DHX32: variants seen among roughly 807,000 people sequenced by gnomAD.
DHX32 encodes the protein DEAH-box helicase 32 (putative), also known as putative pre-mRNA-splicing factor ATP-dependent RNA helicase DHX32.
In DHX32, 51 loss-of-function variants were observed where a neutral mutation model predicts 70.0. The ratio of observed to expected loss-of-function variants is 0.73; its 90% confidence interval spans 0.58 to 0.92. DHX32 has a LOEUF of 0.92. Among genes scored for constraint, DHX32 ranks in the 40% least tolerant of loss-of-function variants. The pLI, the probability that DHX32 is intolerant of heterozygous loss-of-function variation, is 0.00. For synonymous variants in DHX32, 310 were observed against 315.3 expected, an observed-to-expected ratio of 0.98 and a Z score of 0.18; for missense variants, 762 against 891.8, an observed-to-expected ratio of 0.85 and a Z score of 1.85.
rs1353105859 is a variant in DHX32, at chr10:125,853,949, A to C, written c.1092+12T>G. The C allele has an allele frequency of 2.5e-6, 4 of 1,612,454 alleles. No individual in the cohort carries two copies. In the South Asian group the frequency reaches 3.3e-5, roughly 13 times the overall value. On this transcript the variant is annotated intron_variant, in intron 4 of 10. Coordinates refer to ENST00000284690, the MANE Select transcript of DHX32 (RefSeq NM_018180.3). ...GATCAGCAGTCTGTTTAGCCTACTC[A>C]ATAATAATTACCTTTCTTCTTTCCA...
chr10:125,887,909 A>G (rs1486859977), intron 1 of DHX32, among the ~76,000 whole-genome samples: 19 of 152,250 alleles, frequency 1.2e-4, no homozygotes, highest in Admixed American at 9.8e-4. Flanking sequence ...AAGCATGGCA[A>G]TAAGAGAAAC....
chr10:125,866,973 G>A lies in DHX32; in HGVS notation c.476+17C>T. On this transcript the variant is annotated intron_variant, in intron 2 of 10. Transcript: ENST00000284690. The surrounding 1 kb of genome is among the most constrained non-coding windows in gnomAD (Gnocchi z 4.8). ...AAGAATCATCAGCAGGGAGCGGACTGAACCCCACAAACCAACCTCAGGATT... is the reference window on the plus strand; with the variant it reads ...AAGAATCATCAGCAGGGAGCGGACTAAACCCCACAAACCAACCTCAGGATT... 6.2e-7 allele frequency: 1 copy of A among 1,608,114 alleles called. No individual in the cohort carries two copies. The highest frequency in any genetic ancestry group is 8.5e-7 in the Non-Finnish European group (1 of 1,176,478).
chr10:125,855,095 G>T (rs112166585), intron 3 of DHX32, among the ~76,000 whole-genome samples: 2 of 151,720 alleles, frequency 1.3e-5, no homozygotes, highest in African/African-American at 4.8e-5. Flanking sequence ...GATGGCATGC[G>T]TCTGTAGTCC....
chr10:125,892,388 T>G (rs1248708031), intron 1 of DHX32, among the ~76,000 whole-genome samples: 1 of 152,428 alleles, frequency 6.6e-6, no homozygotes, highest in East Asian at 1.9e-4. Flanking sequence ...AATGCAAAAC[T>G]GATCCAGTCA....
intron 1 of DHX32, among the ~76,000 whole-genome samples, chr10:125,873,078 G>A (rs532185306): frequency 6.6e-6 from 1 of 152,258 alleles, no homozygotes; most frequent in African/African-American, 2.4e-5. Context: ...GGGCTGCAGG[G>A]AGATCTCCTA....
At chr10:125,849,271 A>C (rs913387180) in intron 6 of DHX32, among the ~76,000 whole-genome samples, 6 of 152,244 alleles carry the variant, frequency 3.9e-5, no homozygotes, top group Admixed American at 6.5e-5. Flanking sequence ...ACGCAAAAAC[A>C]TATCAACTTA....
Position 125,839,032 on chromosome 10 carries a change from T to A in DHX32, c.1850A>T (p.Lys617Met), listed in dbSNP as rs561536636. ...FGSKENTLNI[K>M]KALLSGYFMQ... ...AAAGTAACCGGACAGAAGAGCTTTC[T>A]TTATGTTTAGAGTGTTTTCCTTGGA... Residue 617 changes from lysine (K) to methionine (M), a missense_variant, in exon 9 of 11, where the codon AAG (lysine) becomes ATG (methionine). By Grantham distance (95) the Lys-to-Met change is moderately conservative. Transcript: ENST00000284690. The A allele has an allele frequency of 3.1e-6, 5 of 1,614,118 alleles. No homozygotes were observed. In the South Asian group the frequency reaches 4.4e-5, roughly 14 times the overall value.
At position 125,859,043 on chromosome 10, in the gene DHX32, TTG is replaced by T. The variant is rs1471772161; in HGVS notation, c.849+558_849+559del. On this transcript the variant is annotated intron_variant, in intron 3 of 10. Coordinates refer to ENST00000284690, the MANE Select transcript of DHX32 (RefSeq NM_018180.3). ...AAGGTTTTTTTTTTTGTTTGTTTGT[TTG>T]TTTTTTTTTTTTTTTTTTAATCTTT... Among the ~76,000 whole-genome samples, 51 of 138,702 alleles carry T rather than the reference TTG, an allele frequency of 3.7e-4. No individual in the cohort carries two copies. In the South Asian group the frequency reaches 7.5e-3, roughly 20 times the overall value. The allele number at this position is 138,702 out of a possible 152,430, so 91.0% of individuals were successfully genotyped here.
intron 1 of DHX32, among the ~76,000 whole-genome samples, chr10:125,888,105 C>T (rs79523534): frequency 2.6e-3 from 341 of 129,844 alleles, no homozygotes; most frequent in African/African-American, 7.7e-3. Context: ...ATATAATATA[C>T]ATATTTATAT....
chr10:125,860,911 C>G (rs1291148163), intron 2 of DHX32, among the ~76,000 whole-genome samples: 4 of 151,740 alleles, frequency 2.6e-5, no homozygotes, highest in Admixed American at 1.3e-4. Context: ...CGCCACCACG[C>G]CTGGCTAATT....
chr10:125,836,928 G>T, intron 10 of DHX32, 73 bp from the exon 11 acceptor site: 2 of 1,348,132 alleles, frequency 1.5e-6, no homozygotes, highest in Non-Finnish European at 2.1e-6. Flanking sequence ...TTATGTCTGG[G>T]CACTTCCCAT....
Position 125,840,977 on chromosome 10 carries a change from A to C in DHX32, c.1563T>G (p.His521Gln). The change falls in exon 8 of 11, where the codon CAT becomes CAG. Residue 521 changes from histidine (H) to glutamine (Q), a missense_variant. By Grantham distance (24) the His-to-Gln change is conservative. Transcript: ENST00000284690. ...AMVTAPNCFS[H>Q]VPHGAEEAAL... ...CAGCCTCTTCAGCTCCATGTGGCACATGTGAAAAGCAATTTGGAGCTTCAA... is the reference window on the plus strand; with the variant it reads ...CAGCCTCTTCAGCTCCATGTGGCACCTGTGAAAAGCAATTTGGAGCTTCAA... 1 of 1,604,262 alleles carries C rather than the reference A, an allele frequency of 6.2e-7. No homozygotes were observed. Among genetic ancestry groups the C allele is most frequent in the Non-Finnish European group, 8.5e-7 (1 of 1,173,392 alleles).
chr10:125,879,020 T>G (rs1408574488), intron 1 of DHX32, among the ~76,000 whole-genome samples: 9 of 129,226 alleles, frequency 7.0e-5, no homozygotes, highest in African/African-American at 2.0e-4. Context: ...TTCTTGTTTT[T>G]TTTTTTTTTT....
intron 4 of DHX32, 29 bp from the exon 5 acceptor site, chr10:125,852,671 G>T (rs374705004): frequency 6.4e-7 from 1 of 1,568,652 alleles, no homozygotes. Flanking sequence ...CATCATTAGC[G>T]TCAGATAAGT....
At chr10:125,844,602 AATATT>A (rs1268991684) in intron 6 of DHX32, among the ~76,000 whole-genome samples, 3 of 152,250 alleles carry the variant, frequency 2.0e-5, no homozygotes, top group African/African-American at 4.8e-5. Flanking sequence ...AGGATTTGCT[AATATT>A]ATATTCTGCA....
At chr10:125,844,471 G>A (rs1050806918) in intron 6 of DHX32, among the ~76,000 whole-genome samples, 3 of 152,188 alleles carry the variant, frequency 2.0e-5, no homozygotes, top group African/African-American at 2.4e-5. Context: ...ATGACTTCAT[G>A]ATTCTGCTCC....
At chr10:125,868,474 T>C (rs1210072774) in intron 1 of DHX32, among the ~76,000 whole-genome samples, 3 of 152,198 alleles carry the variant, frequency 2.0e-5, no homozygotes, top group Non-Finnish European at 1.5e-5. Flanking sequence ...TCACCAGAAA[T>C]ACAAGTAACT....
At chr10:125,887,373 A>T (rs1944346056) in intron 1 of DHX32, among the ~76,000 whole-genome samples, 1 of 152,206 alleles carries the variant, frequency 6.6e-6, no homozygotes, top group Non-Finnish European at 1.5e-5. Context: ...ACAGACAATT[A>T]CTTAAAAGAA....
At chr10:125,864,929 C>CAAAAAAAAAAAAAAAAAA (rs61570718) in intron 2 of DHX32, among the ~76,000 whole-genome samples, 5 of 54,222 alleles carry the variant, frequency 9.2e-5, no homozygotes, top group Admixed American at 3.8e-4. Flanking sequence ...GACTCTGTCT[C>CAAAAAAAAAAAAAAAAAA]AAAAAAAAAA....
Sources: gnomAD v4.1 joint callset for allele counts (sites outside exome capture counted in the v4.1 genomes callset) on GRCh38, gnomAD v4.1.1 for gene constraint, Gnocchi (gnomAD v3.1) non-coding constraint, MANE v1.5 for transcripts, NCBI Gene and HGNC (gene_info 2026-07-23, HGNC 2026-07-21) for gene names.